The following FHIT variants were observed in gnomAD, a reference collection of about 807,000 sequenced individuals.
The protein encoded by FHIT is fragile histidine triad diadenosine triphosphatase.
A neutral mutation model predicts 17.9 loss-of-function variants in FHIT; 19 were observed. The ratio of observed to expected loss-of-function variants is 1.06; its 90% CI spans 0.74 to 1.56. The LOEUF (loss-of-function observed/expected upper bound fraction) is 1.56. FHIT is among the 40% of genes most tolerant of loss of function. The probability of loss-of-function intolerance (pLI) is 0.00; values close to 1 mark genes in which losing one functional copy is unlikely to be tolerated. For synonymous variants in FHIT, 81 were observed against 69.7 expected, an observed-to-expected ratio of 1.16 and a Z score of -0.81; for missense variants, 248 against 189.2, an observed-to-expected ratio of 1.31 and a Z score of -1.82.
intron 8 of FHIT, among the ~76,000 whole-genome samples, chr3:59,798,610 T>G (rs1699872228): frequency 6.6e-6 from 1 of 152,234 alleles, no homozygotes; most frequent in South Asian, 2.1e-4. Flanking sequence ...CGCTTGCTAA[T>G]GTACACAAAG....
rs1306666398 is a variant in FHIT at position 60,728,523 on chromosome 3, C to T, written c.-18+93396G>A. 3.9e-5 allele frequency among the ~76,000 whole-genome samples: 6 copies of T among 152,108 alleles called. No homozygotes were observed. In the East Asian group the frequency reaches 1.2e-3, roughly 29 times the overall value. ...CCAGATTGAAATTTTCTACTACCCT[C>T]TTTGCTCTTCCCATTAAATTCTACC... On this transcript the variant is annotated intron_variant, in intron 4 of 9. Transcript: ENST00000492590.
intron 4 of FHIT, among the ~76,000 whole-genome samples, chr3:60,675,178 T>G (rs901657317): frequency 2.0e-5 from 3 of 152,224 alleles, no homozygotes; most frequent in African/African-American, 7.2e-5. Context: ...TATCTAATTT[T>G]ATAGTTATTC....
chr3:61,138,268 T>C (rs779412786), intron 2 of FHIT, among the ~76,000 whole-genome samples: 3 of 152,220 alleles, frequency 2.0e-5, no homozygotes, highest in Non-Finnish European at 2.9e-5. Context: ...TGTGGATCTT[T>C]GATCTACTGA....
At chr3:60,151,274 T>G (rs1700451224) in intron 5 of FHIT, among the ~76,000 whole-genome samples, 1 of 152,182 alleles carries the variant, frequency 6.6e-6, no homozygotes, top group African/African-American at 2.4e-5. Context: ...TGATATGACT[T>G]TATCATATCA....
At chr3:61,023,119 T>TAA (rs2107650519) in intron 3 of FHIT, among the ~76,000 whole-genome samples, 1 of 152,312 alleles carries the variant, frequency 6.6e-6, no homozygotes, top group African/African-American at 2.4e-5. Context: ...AAAATCTCCT[T>TAA]AAGCTGATAA....
chr3:60,939,967 T>G (rs1485814926), intron 3 of FHIT, among the ~76,000 whole-genome samples: 1 of 152,112 alleles, frequency 6.6e-6, no homozygotes, highest in East Asian at 1.9e-4. Context: ...ATATTGTACT[T>G]TTTATTGAAA....
chr3:59,968,224 T>C (rs141926403), intron 7 of FHIT, among the ~76,000 whole-genome samples: 1 of 152,208 alleles, frequency 6.6e-6, no homozygotes, highest in African/African-American at 2.4e-5. Context: ...AGAACACCTC[T>C]ACCAAGGTCA....
intron 2 of FHIT, among the ~76,000 whole-genome samples, chr3:61,044,167 T>C (rs772335948): frequency 3.3e-5 from 5 of 151,990 alleles, no homozygotes; most frequent in Non-Finnish European, 7.4e-5. Flanking sequence ...CAGACGATTG[T>C]TAGTAACAAA....
At chr3:60,540,631 G>A (rs2036156521) in intron 4 of FHIT, among the ~76,000 whole-genome samples, 2 of 152,176 alleles carry the variant, frequency 1.3e-5, no homozygotes, top group Admixed American at 1.3e-4. Context: ...TTGCTGGTGT[G>A]AAAGCAGAAG....
chr3:60,533,723 A>G (rs1320935970), intron 5 of FHIT, among the ~76,000 whole-genome samples: 2 of 152,328 alleles, frequency 1.3e-5, no homozygotes, highest in East Asian at 3.9e-4. Context: ...GGGATAGTAC[A>G]ACACATATTC....
At chr3:60,037,359 A>G (rs1701259317) in intron 5 of FHIT, among the ~76,000 whole-genome samples, 1 of 151,644 alleles carries the variant, frequency 6.6e-6, no homozygotes, top group African/African-American at 2.4e-5. Context: ...TGGCCATTTA[A>G]CCCACTCAGC....
chr3:61,124,247 G>T (rs2036545129), intron 2 of FHIT, among the ~76,000 whole-genome samples: 2 of 152,296 alleles, frequency 1.3e-5, no homozygotes, highest in South Asian at 4.1e-4. Context: ...GATTGCCTAT[G>T]CATGAGTTCA....
intron 3 of FHIT, among the ~76,000 whole-genome samples, chr3:61,008,631 G>A (rs1160326640): frequency 6.6e-6 from 1 of 152,182 alleles, no homozygotes; most frequent in Non-Finnish European, 1.5e-5. Context: ...AGTAATGAAA[G>A]CTATCAAAAC....
At chr3:60,587,304 G>A (rs2037938526) in intron 4 of FHIT, among the ~76,000 whole-genome samples, 1 of 152,012 alleles carries the variant, frequency 6.6e-6, no homozygotes, top group Non-Finnish European at 1.5e-5. Context: ...TGAACAATGA[G>A]AACACATGAA....
intron 4 of FHIT, among the ~76,000 whole-genome samples, chr3:60,660,049 T>C (rs2040204006): frequency 6.6e-6 from 1 of 152,150 alleles, no homozygotes; most frequent in South Asian, 2.1e-4. Flanking sequence ...GTATGAGCGG[T>C]GACTTTCTAA....
intron 4 of FHIT, among the ~76,000 whole-genome samples, chr3:60,697,338 T>G (rs982270172): frequency 6.6e-6 from 1 of 152,134 alleles, no homozygotes; most frequent in African/African-American, 2.4e-5. Flanking sequence ...AGAAATACAA[T>G]GTATTGACTT....
intron 3 of FHIT, among the ~76,000 whole-genome samples, chr3:61,012,506 A>G (rs1478198614): frequency 6.6e-6 from 1 of 152,104 alleles, no homozygotes; most frequent in Non-Finnish European, 1.5e-5. Context: ...CTGCTTATGT[A>G]TGTGAGAAAG....
intron 8 of FHIT, among the ~76,000 whole-genome samples, chr3:59,867,124 G>T (rs534066959): frequency 1.2e-5 from 1 of 85,216 alleles, no homozygotes; most frequent in Admixed American, 1.0e-4. Context: ...TACCATCAAC[G>T]TGAGGTATGG....
At chr3:60,086,530 G>C (rs1000055565) in intron 5 of FHIT, among the ~76,000 whole-genome samples, 1 of 152,130 alleles carries the variant, frequency 6.6e-6, no homozygotes, top group Non-Finnish European at 1.5e-5. Flanking sequence ...GAGCCTATAG[G>C]ATCAAAAATA....
Sources: gnomAD v4.1 joint callset for allele counts (sites outside exome capture counted in the v4.1 genomes callset) on GRCh38, gnomAD v4.1.1 for gene constraint, MANE v1.5 for transcripts, NCBI Gene and HGNC (gene_info 2026-07-23, HGNC 2026-07-21) for gene names.